The following BAZ1A variants were observed in gnomAD, a reference collection of about 807,000 sequenced individuals.
BAZ1A encodes the protein bromodomain adjacent to zinc finger domain 1A.
BAZ1A carries 50 observed loss-of-function variants against 185.2 expected under a neutral mutation model. The ratio of observed to expected loss-of-function variants is 0.27; its 90% CI spans 0.22 to 0.34. The LOEUF (loss-of-function observed/expected upper bound fraction) is 0.34, where lower values mean the gene tolerates loss of function less well. Ranked by LOEUF, BAZ1A falls within the 10% of genes least tolerant of loss-of-function variation. The pLI is 1.00. For missense variants in BAZ1A, 1,356 were observed against 1,839.9 expected (o/e 0.74, Z 4.81); for synonymous variants, 571 against 615.6 (o/e 0.93, Z 1.07).
At chr14:34,824,408 C>CAA in intron 4 of BAZ1A, among the ~76,000 whole-genome samples, 4,031 of 65,748 alleles carry the variant, frequency 0.061, 327 homozygotes, top group East Asian at 0.16. Flanking sequence ...AGCAGCAACT[C>CAA]AAAAAAAAAA....
intron 3 of BAZ1A, among the ~76,000 whole-genome samples, chr14:34,826,983 C>T (rs1469151850): frequency 6.6e-6 from 1 of 152,176 alleles, no homozygotes; most frequent in African/African-American, 2.4e-5. Context: ...CACCTCTCTT[C>T]TCCTGCCTTT....
chr14:34,825,287 C>T (rs2042149813), intron 4 of BAZ1A, among the ~76,000 whole-genome samples: 1 of 151,682 alleles, frequency 6.6e-6, no homozygotes, highest in African/African-American at 2.4e-5. Context: ...AACCCTGTCA[C>T]TACTAAAAAT....
chr14:34,843,857 A>G (rs939263291), intron 3 of BAZ1A, among the ~76,000 whole-genome samples: 9 of 152,020 alleles, frequency 5.9e-5, no homozygotes, highest in African/African-American at 2.2e-4. Context: ...GTACCAGGAG[A>G]CAGTATACTA....
intron 3 of BAZ1A, among the ~76,000 whole-genome samples, chr14:34,856,791 G>A (rs1454051282): frequency 6.9e-6 from 1 of 145,954 alleles, no homozygotes; most frequent in African/African-American, 2.5e-5. Context: ...TCGGGAGGCA[G>A]AGGTTGCTGT....
At chr14:34,821,974 A>G (rs1186314329) in intron 4 of BAZ1A, among the ~76,000 whole-genome samples, 2 of 151,366 alleles carry the variant, frequency 1.3e-5, no homozygotes, top group African/African-American at 4.9e-5. Flanking sequence ...ACAAGAGCAA[A>G]ACCCCATCTC....
In BAZ1A at chr14:34,860,485, G is replaced by A. The variant is rs557964822; in HGVS notation, c.392+1559C>T. Among the ~76,000 whole-genome samples the A allele has an allele frequency of 3.6e-4, 47 of 131,160 alleles. 1 individual carries two copies. Among genetic ancestry groups the A allele is most frequent in the African/African-American group, 1.3e-3 (45 of 34,192 alleles). The allele number at this position is 131,160 out of a possible 152,430, so 86.0% of individuals were successfully genotyped here. A position where few individuals can be genotyped will look rare whatever the true frequency, so the allele number is the denominator to read the frequency against. ...ATGGAGCCACTGCACTCTAGCCTGGGCAACAGAGCCAGACCTCATCTATAC... is the reference window on the plus strand; with the variant it reads ...ATGGAGCCACTGCACTCTAGCCTGGACAACAGAGCCAGACCTCATCTATAC... On this transcript the variant is annotated intron_variant, in intron 3 of 26. Coordinates refer to ENST00000360310, the MANE Select transcript of BAZ1A (RefSeq NM_013448.3).
chr14:34,808,403 G>A (rs1431502131), intron 5 of BAZ1A, among the ~76,000 whole-genome samples: 2 of 152,054 alleles, frequency 1.3e-5, no homozygotes, highest in South Asian at 2.1e-4. Flanking sequence ...GAGGCTTAGG[G>A]TGGAGAATCG....
chr14:34,848,765 T>C (rs899912987), intron 3 of BAZ1A, among the ~76,000 whole-genome samples: 6 of 152,148 alleles, frequency 3.9e-5, no homozygotes, highest in Non-Finnish European at 7.3e-5. Context: ...GGGGATAATA[T>C]TTGGGGAAAC....
At chr14:34,839,600 T>G (rs953390958) in intron 3 of BAZ1A, among the ~76,000 whole-genome samples, 3 of 149,850 alleles carry the variant, frequency 2.0e-5, no homozygotes, top group Middle Eastern at 3.6e-3. Flanking sequence ...TCCCAGCACT[T>G]TGGGAGGCCA....
At position 34,752,961 on chromosome 14, in the gene BAZ1A, T is replaced by C. The variant is rs1488359757; in HGVS notation, c.*547A>G. The C allele has an allele frequency of 3.3e-5, 5 of 152,588 alleles. No individual in the cohort carries two copies. The highest frequency in any genetic ancestry group is 4.4e-5 in the Non-Finnish European group (3 of 68,036). 9.5% of individuals were successfully genotyped at this position (152,588 alleles called of 1,614,324 possible). A position where few individuals can be genotyped will look rare whatever the true frequency, so the allele number is the denominator to read the frequency against. On this transcript the variant is annotated 3_prime_UTR_variant, in exon 27 of 27. Transcript: ENST00000360310. ...TACAAAACAAATTCACAAATTACTC[T>C]CAATACTAAATAAATATCTAGTTAA... is the stretch of plus-strand genomic sequence containing the variant.
intron 15 of BAZ1A, among the ~76,000 whole-genome samples, chr14:34,783,542 G>A (rs1436976119): frequency 6.6e-6 from 1 of 151,916 alleles, no homozygotes; most frequent in Non-Finnish European, 1.5e-5. Flanking sequence ...GGCCATGTTG[G>A]CCAGGCTAGT....
Position 34,762,064 on chromosome 14 carries a change from A to G in BAZ1A, c.3936T>C (p.Gly1312=), listed in dbSNP as rs373464356. The change falls in exon 24 of 27, where the codon GGT becomes GGC. Residue 1312 remains glycine, a synonymous_variant. Transcript: ENST00000360310. ...CAGAGTTTATCTTTCTTAGGCTTCT[A>G]CCAGTTTTAGAAGAAACAGTTGTTT... ...TPKTTVSSKT[G]RSLRKINSAP... The G allele has an allele frequency of 3.1e-6, 5 of 1,614,060 alleles. No homozygotes were observed. In the African/African-American group the frequency reaches 5.3e-5, roughly 17 times the overall value.
At chr14:34,854,058 A>G (rs2042637667) in intron 3 of BAZ1A, among the ~76,000 whole-genome samples, 1 of 151,864 alleles carries the variant, frequency 6.6e-6, no homozygotes, top group Non-Finnish European at 1.5e-5. Context: ...TTTATATCTT[A>G]AAGTTATTTT....
intron 14 of BAZ1A, 55 bp downstream of exon 14, chr14:34,785,722 G>A (rs992845968): frequency 6.7e-7 from 1 of 1,484,994 alleles, no homozygotes; most frequent in Non-Finnish European, 9.3e-7. Context: ...TAGTTTTCTG[G>A]GCATAAGAGG....
intron 9 of BAZ1A, among the ~76,000 whole-genome samples, chr14:34,798,125 CGTCCGCCACTGCTGAGGGGCGT>C (rs1247961745): frequency 3.3e-5 from 5 of 152,176 alleles, no homozygotes; most frequent in African/African-American, 7.2e-5. Flanking sequence ...GGGGAGGGGG[CGTCCGCCACTGCTGAGGGGCGT>C]GTCCGCCATT....
chr14:34,764,661 TCTAA>T (rs751377299), intron 23 of BAZ1A, 42 bp downstream of exon 23: 31 of 1,552,834 alleles, frequency 2.0e-5, no homozygotes, highest in East Asian at 4.8e-5. Context: ...GGAGAAATTG[TCTAA>T]CTAAGACTTA....
At chr14:34,783,041 C>G in intron 16 of BAZ1A, 78 bp downstream of exon 16, 1 of 1,136,566 alleles carries the variant, frequency 8.8e-7, no homozygotes, top group South Asian at 1.4e-5. Context: ...AATGTGAAAG[C>G]ATTTTTAGAG....
rs757970815 is a variant in BAZ1A, at chr14:34,775,937, C to T, written c.2815G>A (p.Glu939Lys). 42 of 1,558,338 alleles carry T rather than the reference C, an allele frequency of 2.7e-5. No homozygotes were observed. Among genetic ancestry groups the T allele is most frequent in the Non-Finnish European group, 3.4e-5 (39 of 1,153,106 alleles). The change falls in exon 18 of 27, where the codon GAG becomes AAG. Residue 939 changes from glutamate to lysine, a missense_variant. Glu to Lys is a moderately conservative substitution (Grantham distance 56, BLOSUM62 1). Around this residue, in one of 7 missense-constraint regions of BAZ1A, gnomAD observed 434 missense variants for 561.7 expected, o/e 0.77. Transcript: ENST00000360310. Reference protein sequence around the residue: ...ICAQLARFSEEKFHFSDKPQP... With the variant: ...ICAQLARFSEKKFHFSDKPQP... ...AATTTACCTGAAAAATGAAATTTCT[C>T]TTCAGAAAAACGGGCTAGCTGTGCA...
intron 17 of BAZ1A, among the ~76,000 whole-genome samples, chr14:34,777,559 G>C (rs572045312): frequency 1.4e-5 from 2 of 147,000 alleles, no homozygotes; most frequent in South Asian, 4.4e-4. Context: ...CATGAGAATC[G>C]CTTGAACCCA....
Sources: gnomAD v4.1 joint callset for allele counts (sites outside exome capture counted in the v4.1 genomes callset) on GRCh38, gnomAD v4.1.1 for gene constraint, gnomAD v4.1.1 regional missense constraint, MANE v1.5 for transcripts, NCBI Gene and HGNC (gene_info 2026-07-23, HGNC 2026-07-21) for gene names.